Variants in SAV1 observed in about 807,000 individuals in gnomAD.
The protein encoded by SAV1 is salvador family WW domain containing protein 1, also known as protein salvador homolog 1.
In SAV1, 23 loss-of-function variants were observed where a neutral mutation model predicts 47.3. The observed-to-expected ratio is 0.49, with a 90% CI of 0.35 to 0.69. The LOEUF is 0.69. SAV1 is among the 30% of genes least tolerant of loss of function. The probability of loss-of-function intolerance (pLI) is 0.01; values close to 1 mark genes in which losing one functional copy is unlikely to be tolerated. For synonymous variants in SAV1, 155 were observed against 159.2 expected, an observed-to-expected ratio of 0.97 and a Z score of 0.20; for missense variants, 448 against 457.4, an observed-to-expected ratio of 0.98 and a Z score of 0.19.
chr14:50,647,146 A>C (rs184988789), intron 2 of SAV1, among the ~76,000 whole-genome samples: 21 of 152,304 alleles, frequency 1.4e-4, no homozygotes, highest in Non-Finnish European at 2.8e-4. Context: ...TTTTACAAGA[A>C]AAAAATAGAA....
intron 2 of SAV1, among the ~76,000 whole-genome samples, chr14:50,648,787 A>G (rs2039743817): frequency 6.6e-6 from 1 of 152,118 alleles, no homozygotes; most frequent in African/African-American, 2.4e-5. Flanking sequence ...CAAAAAAAAA[A>G]AGAATACTAA....
At chr14:50,641,532 T>C (rs1038021652) in intron 3 of SAV1, among the ~76,000 whole-genome samples, 3 of 152,222 alleles carry the variant, frequency 2.0e-5, no homozygotes, top group Admixed American at 2.0e-4. Context: ...AAGGGTCTAT[T>C]TGAGACCAAA....
At chr14:50,640,668 A>G (rs770438151) in intron 4 of SAV1, 82 bp downstream of exon 4, 37 of 1,246,518 alleles carry the variant, frequency 3.0e-5, no homozygotes, top group Non-Finnish European at 4.0e-5. Context: ...AATATGGCAC[A>G]CTACTTGGAT....
intron 2 of SAV1, among the ~76,000 whole-genome samples, chr14:50,648,528 C>G (rs1294761936): frequency 6.6e-6 from 1 of 152,018 alleles, no homozygotes; most frequent in Non-Finnish European, 1.5e-5. Flanking sequence ...GCCTGTAATC[C>G]CAGCACTTTG....
chr14:50,664,586 ATT>A (rs146158945), intron 2 of SAV1: 2 of 152,010 alleles, frequency 1.3e-5, no homozygotes, highest in African/African-American at 2.4e-5. Flanking sequence ...TTATATGGTA[ATT>A]TTTTTTGTCT....
intron 2 of SAV1, among the ~76,000 whole-genome samples, chr14:50,648,941 T>G (rs1446769892): frequency 6.6e-6 from 1 of 152,194 alleles, no homozygotes; most frequent in Non-Finnish European, 1.5e-5. Flanking sequence ...ACTGTCTCAT[T>G]ACTTGATGAA....
intron 3 of SAV1, among the ~76,000 whole-genome samples, chr14:50,643,450 C>T (rs970661673): frequency 2.6e-5 from 4 of 152,114 alleles, no homozygotes; most frequent in African/African-American, 9.7e-5. Context: ...CACTTTTAAA[C>T]TATCAGATCT....
At chr14:50,650,385 G>A (rs1257515026) in intron 2 of SAV1, among the ~76,000 whole-genome samples, 4 of 152,172 alleles carry the variant, frequency 2.6e-5, no homozygotes, top group African/African-American at 9.7e-5. Flanking sequence ...TAATATTCGG[G>A]ATGTATTATG....
Position 50,665,638 on chromosome 14 carries a change from T to G in SAV1, c.95-19A>C. On this transcript the variant is annotated intron_variant, in intron 1 of 4. Transcript: ENST00000324679. ...ATAAGATCTACAATAAAACAAAGGA[T>G]AAAATTACCCTTTCATCATTAAGTA... 1 of 1,546,830 alleles carries G rather than the reference T, an allele frequency of 6.5e-7. No individual in the cohort carries two copies. Among genetic ancestry groups the G allele is most frequent in the Non-Finnish European group, 8.7e-7 (1 of 1,148,862 alleles).
intron 3 of SAV1, among the ~76,000 whole-genome samples, chr14:50,644,348 G>A (rs1048759429): frequency 6.6e-6 from 1 of 152,176 alleles, no homozygotes; most frequent in African/African-American, 2.4e-5. Context: ...GTCTGAAATA[G>A]AATAAACAGC....
At chr14:50,636,882 A>C (rs974535049) in intron 4 of SAV1, among the ~76,000 whole-genome samples, 3 of 152,242 alleles carry the variant, frequency 2.0e-5, no homozygotes, top group African/African-American at 4.8e-5. Flanking sequence ...CAGAGCAGAC[A>C]TAATAGGAAG....
At chr14:50,642,731 TA>T (rs2039690678) in intron 3 of SAV1, among the ~76,000 whole-genome samples, 2 of 152,182 alleles carry the variant, frequency 1.3e-5, no homozygotes, top group South Asian at 2.1e-4. Context: ...AAACTGGGAT[TA>T]AAATAAGGTT....
chr14:50,658,152 T>C (rs950772419), intron 2 of SAV1, among the ~76,000 whole-genome samples: 3 of 152,208 alleles, frequency 2.0e-5, no homozygotes, highest in Admixed American at 1.3e-4. Flanking sequence ...CTAAAGATTA[T>C]CAACCCCTCC....
chr14:50,648,313 C>A (rs1169696831), intron 2 of SAV1, among the ~76,000 whole-genome samples: 1 of 152,148 alleles, frequency 6.6e-6, no homozygotes, highest in Non-Finnish European at 1.5e-5. Flanking sequence ...TATAAGAGGA[C>A]AACCTAAGGG....
chr14:50,662,704 A>G (rs1362293434), intron 2 of SAV1: 4 of 152,352 alleles, frequency 2.6e-5, no homozygotes, highest in Admixed American at 6.5e-5. Context: ...TTAATTCCTC[A>G]TATTTACATA....
At chr14:50,644,700 G>A (rs1483649212) in intron 3 of SAV1, 44 bp downstream of exon 3, 10 of 1,564,956 alleles carry the variant, frequency 6.4e-6, no homozygotes, top group Non-Finnish European at 7.8e-6. Context: ...CCTAACATTA[G>A]ACAATCCCGA....
intron 2 of SAV1, 69 bp from the exon 3 acceptor site, chr14:50,645,083 G>C: frequency 2.9e-6 from 4 of 1,366,960 alleles, no homozygotes; most frequent in Non-Finnish European, 3.0e-6. Context: ...GTGCCAGCTA[G>C]CAAAGTCACA....
Position 50,665,481 on chromosome 14 carries a change from A to G in SAV1, c.233T>C (p.Ile78Thr), listed in dbSNP as rs1222594941. The change falls in exon 2 of 5, where the codon ATT (isoleucine) becomes ACT (threonine). Residue 78 changes from isoleucine (I) to threonine (T), a missense_variant. Coordinates refer to ENST00000324679, the MANE Select transcript of SAV1 (RefSeq NM_021818.4). ...SRNQSFLRTP[I>T]QRTPHEIMRR... ...CATTATTTCATGAGGTGTTCTTTGAATTGGAGTTCTAAGGAAACTCTGGTT... is the reference window on the plus strand; with the variant it reads ...CATTATTTCATGAGGTGTTCTTTGAGTTGGAGTTCTAAGGAAACTCTGGTT... 2.5e-6 allele frequency: 4 copies of G among 1,614,042 alleles called. No homozygotes were observed. The highest frequency in any genetic ancestry group is 3.4e-6 in the Non-Finnish European group (4 of 1,179,932).
intron 2 of SAV1, among the ~76,000 whole-genome samples, chr14:50,659,154 C>T (rs1159911619): frequency 6.7e-6 from 1 of 149,784 alleles, no homozygotes; most frequent in Non-Finnish European, 1.5e-5. Flanking sequence ...TTCTTTAAAC[C>T]TAACGCAATC....
Sources: allele counts gnomAD v4.1 joint callset (sites outside exome capture counted in the v4.1 genomes callset), GRCh38; gene constraint gnomAD v4.1.1; transcripts MANE v1.5; gene names NCBI Gene and HGNC (gene_info 2026-07-23, HGNC 2026-07-21).